TLE3: variants seen among roughly 807,000 people sequenced by gnomAD.
TLE3 encodes the protein transducin-like enhancer protein 3.
Under a neutral mutation model 93.0 loss-of-function variants are expected in TLE3, and 14 were observed. The ratio of observed to expected loss-of-function variants is 0.15; its 90% CI spans 0.10 to 0.24. TLE3 has a LOEUF of 0.24. TLE3 is among the 10% of genes least tolerant of loss of function. The pLI is 1.00. For missense variants in TLE3, 693 were observed against 1,046.6 expected, an observed-to-expected ratio of 0.66 and a Z score of 4.66; for synonymous variants, 451 against 425.0, an observed-to-expected ratio of 1.06 and a Z score of -0.75.
intron 19 of TLE3, 131 bp downstream of exon 19, chr15:70,051,260 G>C: frequency 1.2e-6 from 1 of 843,936 alleles, no homozygotes; most frequent in Non-Finnish European, 1.8e-6. Flanking sequence ...GGGTGGGGAG[G>C]GGACCAGGGC....
In TLE3 at chr15:70,058,212, G is replaced by C; in HGVS notation, c.998C>G (p.Thr333Arg). The C allele has an allele frequency of 6.2e-7, 1 of 1,613,882 alleles. No individual in the cohort carries two copies. The highest frequency in any genetic ancestry group is 1.1e-5 in the South Asian group (1 of 91,060). ...RNDAPTPGTS[T>R]TPGLRSMPGK... is the part of the protein sequence containing the mutation. The stretch of plus-strand genomic sequence containing the variant: ...CGGCATCGACCTGAGCCCTGGGGTC[G>C]TGCTGGTGCCTGGAGTTGGGGCGTC... Residue 333 changes from threonine (T) to arginine (R), a missense_variant, in exon 12 of 20, where the codon ACG (threonine) becomes AGG (arginine). Thr to Arg is a moderately conservative substitution (Grantham distance 71). Coordinates refer to ENST00000451782, the MANE Select transcript of TLE3 (RefSeq NM_001105192.3). This position sits in a 1 kb window ranked among gnomAD's most constrained non-coding sequence, Gnocchi z 4.1.
At chr15:70,065,837 T>A (rs924271950) in intron 7 of TLE3, among the ~76,000 whole-genome samples, 177 bp downstream of exon 7, 13 of 152,166 alleles carry the variant, frequency 8.5e-5, no homozygotes, top group African/African-American at 3.1e-4. Context: ...TAGGAAAAGG[T>A]GCATGGGATG....
chr15:70,065,973 A>ACCCCCTCCCCCCCCCCCC (rs1595909186), intron 7 of TLE3, 41 bp downstream of exon 7: 1 of 806,242 alleles, frequency 1.2e-6, no homozygotes, highest in Non-Finnish European at 2.1e-6. Context: ...GCCCATGCCC[A>ACCCCCTCCCCCCCCCCCC]CCCCTGCCCC....
At chr15:70,093,264 C>T (rs757578502) in intron 4 of TLE3, among the ~76,000 whole-genome samples, 2 of 152,142 alleles carry the variant, frequency 1.3e-5, no homozygotes, top group African/African-American at 2.4e-5. Context: ...AAACTCAGGC[C>T]CCTTTCTGGC....
intron 8 of TLE3, among the ~76,000 whole-genome samples, chr15:70,062,621 T>A (rs1416424965): frequency 6.6e-6 from 1 of 152,214 alleles, no homozygotes; most frequent in African/African-American, 2.4e-5. Flanking sequence ...TACCACTAAT[T>A]GGACTCCAGA....
chr15:70,073,619 C>A (rs2141778803), intron 6 of TLE3, among the ~76,000 whole-genome samples: 1 of 152,356 alleles, frequency 6.6e-6, no homozygotes, highest in South Asian at 2.1e-4. Context: ...GCCCCTGTAT[C>A]TGTACCGTCC....
rs973128654 is a variant in TLE3, at chr15:70,097,833, C to T, written c.-1035G>A. 3 of 361,720 alleles carry T rather than the reference C, an allele frequency of 8.3e-6. No individual in the cohort carries two copies. The highest frequency in any genetic ancestry group is 1.5e-5 in the Non-Finnish European group (3 of 203,180). 22.4% of individuals were successfully genotyped at this position (361,720 alleles called of 1,614,324 possible). On this transcript the variant is annotated 5_prime_UTR_variant, in exon 1 of 20. Coordinates refer to ENST00000451782, the MANE Select transcript of TLE3 (RefSeq NM_001105192.3). The stretch of plus-strand genomic sequence containing the variant: ...ACACACACCAAAAAAAAAAGTGCCC[C>T]GGACCTACGGATACCACACACAGAC...
chr15:70,050,109 C>G lies in TLE3; in HGVS notation c.2298G>C (p.Glu766Asp). ...CTGGAGTTCTTGTTTAGTAGATGAC[C>G]TCATAAACTGTGGCCTTCTTGTCAC... ...GSGDKKATVYEVIY is the reference protein window; with the variant it reads ...GSGDKKATVYDVIY The change falls in exon 20 of 20, where the codon GAG becomes GAC. Residue 766 changes from glutamate to aspartate, a missense_variant. Around this residue, in one of 4 missense-constraint regions of TLE3, gnomAD observed 153 missense variants for 379.9 expected, o/e 0.40. Coordinates refer to ENST00000451782, the MANE Select transcript of TLE3 (RefSeq NM_001105192.3). 8 of 1,613,842 alleles carry G rather than the reference C, an allele frequency of 5.0e-6. No individual in the cohort carries two copies. The highest frequency in any genetic ancestry group is 6.8e-6 in the Non-Finnish European group (8 of 1,179,754).
chr15:70,088,741 GC>G (rs919758272), intron 4 of TLE3, among the ~76,000 whole-genome samples: 2 of 152,168 alleles, frequency 1.3e-5, no homozygotes, highest in Non-Finnish European at 2.9e-5. Context: ...GGGGGAGGGG[GC>G]GGGTCATAAC....
chr15:70,050,423 CT>C, intron 19 of TLE3: 1 of 473,024 alleles, frequency 2.1e-6, no homozygotes, highest in Non-Finnish European at 3.9e-6. Context: ...TAGAGCTCCC[CT>C]CCCACCTGCT....
chr15:70,089,045 A>G (rs895953577), intron 4 of TLE3, among the ~76,000 whole-genome samples: 1 of 152,162 alleles, frequency 6.6e-6, no homozygotes, highest in Non-Finnish European at 1.5e-5. Flanking sequence ...TCACTTCCCA[A>G]GTGCAGTCCC....
chr15:70,096,656 CACACACACAA>C, intron 1 of TLE3, 109 bp downstream of exon 1: 1 of 1,553,232 alleles, frequency 6.4e-7, no homozygotes, highest in East Asian at 2.4e-5. Flanking sequence ...TGTGTGAGAG[CACACACACAA>C]ACACACACAC....
intron 4 of TLE3, among the ~76,000 whole-genome samples, chr15:70,077,659 G>A (rs184740743): frequency 1.3e-3 from 193 of 152,344 alleles, no homozygotes; most frequent in African/African-American, 4.5e-3. Context: ...GCCAGCCACG[G>A]TGGCAGGGCT....
Position 70,074,605 on chromosome 15 carries a change from G to A in TLE3, c.300C>T (p.His100=), listed in dbSNP as rs761496566. ...AQIMPFLSQE[H]QQQVAQAVER... Reference sequence around the variant, plus strand: ...CCACTGCCTGCGCCACCTGCTGCTGGTGCTGGAGGGAAGAGGGTGTGCGTT... The same window carrying A: ...CCACTGCCTGCGCCACCTGCTGCTGATGCTGGAGGGAAGAGGGTGTGCGTT... The change falls in exon 6 of 20, where the codon CAC becomes CAT. Residue 100 remains histidine (H), a splice_region_variant and synonymous_variant. Coordinates refer to ENST00000451782, the MANE Select transcript of TLE3 (RefSeq NM_001105192.3). 1 of 1,609,368 alleles carries A rather than the reference G, an allele frequency of 6.2e-7. No individual in the cohort carries two copies. Among genetic ancestry groups the A allele is most frequent in the South Asian group, 1.1e-5 (1 of 90,280 alleles).
At chr15:70,083,565 C>A (rs534540184) in intron 4 of TLE3, among the ~76,000 whole-genome samples, 19 of 143,968 alleles carry the variant, frequency 1.3e-4, no homozygotes, top group African/African-American at 4.7e-4. Context: ...AGATAACCCC[C>A]TGCCCCCTCC....
Position 70,097,016 on chromosome 15 carries a change from G to T in TLE3, c.-218C>A. 1 of 595,636 alleles carries T rather than the reference G, an allele frequency of 1.7e-6. No homozygotes were observed. The highest frequency in any genetic ancestry group is 1.9e-5 in the South Asian group (1 of 51,372). The allele number at this position is 595,636 out of a possible 1,614,324, so 36.9% of individuals were successfully genotyped here. ...CGGAGCAGGCGGCAAAGTCGTCGGC[G>T]GGCGCCGGGGCCGGGCGGCGGGCGC... is the stretch of plus-strand genomic sequence containing the variant. On this transcript the variant is annotated 5_prime_UTR_variant, in exon 1 of 20. Transcript: ENST00000451782.
At chr15:70,071,697 C>A (rs2057175081) in intron 6 of TLE3, among the ~76,000 whole-genome samples, 1 of 152,176 alleles carries the variant, frequency 6.6e-6, no homozygotes, top group African/African-American at 2.4e-5. Context: ...AAGTCCAAGA[C>A]CAGGATGCCA....
chr15:70,058,960 C>G lies in TLE3; in HGVS notation c.766-145G>C. The G allele has an allele frequency of 1.9e-6, 2 of 1,055,234 alleles. No homozygotes were observed. The highest frequency in any genetic ancestry group is 1.7e-5 in the South Asian group (1 of 58,378). 65.4% of individuals were successfully genotyped at this position (1,055,234 alleles called of 1,614,324 possible). ...CTGGGGGCCCCACAGTGAGGAAAAA[C>G]TAGCTCTTAACCATCTGGTCTGACT... On this transcript the variant is annotated intron_variant, in intron 10 of 19. Coordinates refer to ENST00000451782, the MANE Select transcript of TLE3 (RefSeq NM_001105192.3). The surrounding 1 kb of genome is among the most constrained non-coding windows in gnomAD (Gnocchi z 4.1).
chr15:70,096,306 G>C (rs113417935), intron 1 of TLE3, 45 bp from the exon 2 acceptor site: 3 of 1,547,826 alleles, frequency 1.9e-6, no homozygotes, highest in Non-Finnish European at 2.6e-6. Flanking sequence ...GGGGGCATGA[G>C]ACCGCGCTCA....
Sources: allele counts gnomAD v4.1 joint callset (sites outside exome capture counted in the v4.1 genomes callset), GRCh38; gene constraint gnomAD v4.1.1; regional missense constraint gnomAD v4.1.1; non-coding constraint Gnocchi (gnomAD v3.1); transcripts MANE v1.5; gene names NCBI Gene and HGNC (gene_info 2026-07-23, HGNC 2026-07-21).